Variants in DDX10 observed in about 807,000 individuals in gnomAD.
DDX10 encodes the protein probable ATP-dependent RNA helicase DDX10.
In DDX10, 74 loss-of-function variants were observed where a neutral mutation model predicts 104.3. The observed-to-expected ratio is 0.71, with a 90% confidence interval of 0.59 to 0.86. DDX10 has a LOEUF of 0.86. DDX10 is among the 40% of genes least tolerant of loss of function. DDX10 has a pLI of 0.00. For missense variants in DDX10, 952 were observed against 1,040.0 expected (o/e 0.92, Z 1.16); for synonymous variants, 351 against 353.4 (o/e 0.99, Z 0.08).
chr11:108,692,399 A>G (rs1000435053), intron 8 of DDX10, among the ~76,000 whole-genome samples: 6 of 152,214 alleles, frequency 3.9e-5, no homozygotes, highest in Non-Finnish European at 7.3e-5. Context: ...AGTGAAGTCC[A>G]TGTTTTCATC....
rs377488557 is a variant in DDX10, at chr11:108,834,552, T to C, written c.1966-3894T>C. 4.3e-4 allele frequency among the ~76,000 whole-genome samples: 65 copies of C among 152,316 alleles called. 1 individual carries two copies. Among genetic ancestry groups the C allele is most frequent in the Middle Eastern group, 6.8e-3 (2 of 294 alleles). On this transcript the variant is annotated intron_variant, in intron 13 of 17. Coordinates refer to ENST00000322536, the MANE Select transcript of DDX10 (RefSeq NM_004398.4). Reference sequence around the variant, plus strand: ...ACTGCCATGACCCCAGAAGGTTTACTCATGTTCTTTCCTAGTACTTTTTGT... The same window carrying C: ...ACTGCCATGACCCCAGAAGGTTTACCCATGTTCTTTCCTAGTACTTTTTGT...
At chr11:108,838,367 G>A in intron 13 of DDX10, 79 bp from the exon 14 acceptor site, 3 of 1,458,338 alleles carry the variant, frequency 2.1e-6, no homozygotes, top group Non-Finnish European at 1.9e-6. Context: ...GTTTTGAGAA[G>A]TATATTGCCA....
chr11:108,768,732 T>C (rs934810757), intron 13 of DDX10, among the ~76,000 whole-genome samples: 19 of 152,142 alleles, frequency 1.2e-4, no homozygotes, highest in African/African-American at 4.3e-4. Flanking sequence ...CTACATTCCG[T>C]ATTTTGGTTT....
At chr11:108,867,168 T>C (rs1350838903) in intron 16 of DDX10, among the ~76,000 whole-genome samples, 1 of 152,098 alleles carries the variant, frequency 6.6e-6, no homozygotes, top group African/African-American at 2.4e-5. Context: ...ACCTGGAAAG[T>C]AGAGATTCTT....
At chr11:108,896,353 T>TG (rs1863440878) in intron 16 of DDX10, among the ~76,000 whole-genome samples, 1 of 10,172 alleles carries the variant, frequency 9.8e-5, no homozygotes, top group African/African-American at 1.2e-4. Flanking sequence ...GTCCTTCACA[T>TG]ATTTTTTTTT....
chr11:108,669,020 A>C (rs965244830), intron 1 of DDX10, among the ~76,000 whole-genome samples: 18 of 151,472 alleles, frequency 1.2e-4, no homozygotes, highest in Admixed American at 5.9e-4. Flanking sequence ...CATCCCCTGC[A>C]TCTCAGTCTT....
At chr11:108,927,905 C>T (rs1863928605) in intron 17 of DDX10, among the ~76,000 whole-genome samples, 1 of 152,202 alleles carries the variant, frequency 6.6e-6, no homozygotes, top group Non-Finnish European at 1.5e-5. Flanking sequence ...TCCCAAAGTG[C>T]AGGGATTATA....
Position 108,882,982 on chromosome 11 carries a change from C to T in DDX10, c.2304+30773C>T, listed in dbSNP as rs1260602816. 2.6e-5 allele frequency among the ~76,000 whole-genome samples: 4 copies of T among 152,170 alleles called. No homozygotes were observed. In the East Asian group the frequency reaches 7.7e-4, roughly 29 times the overall value. ...GTCCATTCGTTCCTCTTTTTTGCTC[C>T]TATCATTTCAAATAATGATTATCAT... On this transcript the variant is annotated intron_variant, in intron 16 of 17. Transcript: ENST00000322536.
In DDX10 at chr11:108,817,691, C is replaced by A. The variant is rs138644754; in HGVS notation, c.1966-20755C>A. ...CCGAGCTTCTTTATTCTTTGTAGTTCGTATTTTATCCCTCCTAATCCTACA... is the reference window on the plus strand; with the variant it reads ...CCGAGCTTCTTTATTCTTTGTAGTTAGTATTTTATCCCTCCTAATCCTACA... On this transcript the variant is annotated intron_variant, in intron 13 of 17. Transcript: ENST00000322536. 2.6e-5 allele frequency among the ~76,000 whole-genome samples: 4 copies of A among 152,214 alleles called. No individual in the cohort carries two copies. The East Asian group carries it at 7.7e-4, about 29-fold the overall frequency.
intron 13 of DDX10, among the ~76,000 whole-genome samples, chr11:108,776,295 A>G (rs372844041): frequency 6.6e-5 from 10 of 152,242 alleles, no homozygotes; most frequent in African/African-American, 2.4e-4. Flanking sequence ...GAGTTTTGCC[A>G]CTTGCACGTG....
chr11:108,769,524 T>G (rs1175266905), intron 13 of DDX10, among the ~76,000 whole-genome samples: 1 of 152,202 alleles, frequency 6.6e-6, no homozygotes, highest in Non-Finnish European at 1.5e-5. Context: ...ACTTAGTTAT[T>G]TTGTAGTATC....
chr11:108,871,474 C>T (rs1269284608), intron 16 of DDX10, among the ~76,000 whole-genome samples: 1 of 152,188 alleles, frequency 6.6e-6, no homozygotes, highest in East Asian at 1.9e-4. Flanking sequence ...TTCTTTCCAG[C>T]ATACTCTACT....
chr11:108,897,478 C>T (rs978102439), intron 16 of DDX10, among the ~76,000 whole-genome samples: 1 of 152,058 alleles, frequency 6.6e-6, no homozygotes, highest in Non-Finnish European at 1.5e-5. Context: ...TTTCTTTTTT[C>T]TTTCCCCTTT....
At chr11:108,824,033 C>T (rs188158754) in intron 13 of DDX10, among the ~76,000 whole-genome samples, 45 of 152,198 alleles carry the variant, frequency 3.0e-4, no homozygotes, top group African/African-American at 1.1e-3. Flanking sequence ...GAAATAGTTT[C>T]GTGATTTCTG....
chr11:108,834,430 T>G (rs919995880), intron 13 of DDX10, among the ~76,000 whole-genome samples: 1 of 152,122 alleles, frequency 6.6e-6, no homozygotes, highest in Admixed American at 6.5e-5. Flanking sequence ...AGACAGAAAT[T>G]TATATACAAT....
At chr11:108,783,632 T>G (rs1861743573) in intron 13 of DDX10, among the ~76,000 whole-genome samples, 3 of 152,138 alleles carry the variant, frequency 2.0e-5, no homozygotes, top group Admixed American at 2.0e-4. Flanking sequence ...GGGAGAAAGA[T>G]GAGCTTTTTA....
Position 108,852,212 on chromosome 11 carries a change from A to G in DDX10, c.2304+3A>G, listed in dbSNP as rs745459353. ...AAGCCAACAAGAGACAAGCAAAGGT[A>G]AGGGTTTATATACATTTATTTTTCC... On this transcript the variant is annotated splice_donor_region_variant and intron_variant, in intron 16 of 17. Transcript: ENST00000322536. 6.2e-7 allele frequency: 1 copy of G among 1,608,604 alleles called. No homozygotes were observed. Among genetic ancestry groups the G allele is most frequent in the South Asian group, 1.1e-5 (1 of 90,300 alleles).
intron 16 of DDX10, among the ~76,000 whole-genome samples, chr11:108,881,451 T>C (rs540959801): frequency 6.6e-6 from 1 of 152,216 alleles, no homozygotes; most frequent in African/African-American, 2.4e-5. Flanking sequence ...GTTTGGAGAG[T>C]GTTAATCCTT....
At position 108,849,949 on chromosome 11, in the gene DDX10, T is replaced by C. The variant is rs1862769235; in HGVS notation, c.2248-2204T>C. On this transcript the variant is annotated intron_variant, in intron 15 of 17. Transcript: ENST00000322536. ...ACAAAGAATATATTCATTTTCTAAC[T>C]TTTGAATTATGATAAATCTACTTCC... 2.6e-5 allele frequency among the ~76,000 whole-genome samples: 4 copies of C among 152,158 alleles called. No homozygotes were observed. In the South Asian group the frequency reaches 8.3e-4, roughly 31 times the overall value.
Sources: allele counts gnomAD v4.1 joint callset (sites outside exome capture counted in the v4.1 genomes callset), GRCh38; gene constraint gnomAD v4.1.1; transcripts MANE v1.5; gene names NCBI Gene and HGNC (gene_info 2026-07-23, HGNC 2026-07-21).